The following MAP4K3 variants were observed in gnomAD, a reference collection of about 807,000 sequenced individuals.
MAP4K3 encodes MAPK/ERK kinase kinase kinase 3.
Under a neutral mutation model 143.5 loss-of-function variants are expected in MAP4K3, and 94 were observed. The ratio of observed to expected loss-of-function variants is 0.65; its 90% CI spans 0.55 to 0.78. The LOEUF (loss-of-function observed/expected upper bound fraction) is 0.78. Among genes scored for constraint, MAP4K3 ranks in the 30% least tolerant of loss-of-function variants. MAP4K3 has a pLI of 0.00. For synonymous variants in MAP4K3, 416 were observed against 347.2 expected (o/e 1.20, Z -2.20); for missense variants, 1,077 against 1,068.1 (o/e 1.01, Z -0.12).
chr2:39,316,739 C>T (rs1432717310), intron 12 of MAP4K3, among the ~76,000 whole-genome samples: 2 of 152,048 alleles, frequency 1.3e-5, no homozygotes, highest in African/African-American at 4.8e-5. Context: ...CTTAACATCT[C>T]TAAAACGGTA....
chr2:39,251,749 C>A (rs943366622), intron 33 of MAP4K3, 81 bp downstream of exon 33: 42 of 1,154,076 alleles, frequency 3.6e-5, no homozygotes, highest in African/African-American at 1.5e-5. Context: ...CATTTCAATT[C>A]TCTTGAAAAA....
intron 14 of MAP4K3, among the ~76,000 whole-genome samples, chr2:39,308,742 G>C (rs1009274721): frequency 3.3e-5 from 5 of 151,930 alleles, no homozygotes; most frequent in African/African-American, 1.2e-4. Context: ...TATCTGGAAA[G>C]GAGTATATAA....
intron 7 of MAP4K3, among the ~76,000 whole-genome samples, chr2:39,332,720 C>G (rs1001424507): frequency 6.6e-6 from 1 of 151,912 alleles, no homozygotes; most frequent in African/African-American, 2.4e-5. Flanking sequence ...CTAAAAAGAA[C>G]AGGACATATC....
At chr2:39,291,800 CAGG>C (rs1682057260) in intron 18 of MAP4K3, among the ~76,000 whole-genome samples, 1 of 152,088 alleles carries the variant, frequency 6.6e-6, no homozygotes, top group African/African-American at 2.4e-5. Context: ...CTGCTTGAGC[CAGG>C]AGGTCGAGGC....
intron 1 of MAP4K3, among the ~76,000 whole-genome samples, chr2:39,411,724 A>C (rs956031761): frequency 2.0e-5 from 3 of 152,202 alleles, no homozygotes; most frequent in African/African-American, 7.2e-5. Context: ...TCAGAATTGA[A>C]CAAAATAACT....
At chr2:39,407,801 C>T (rs1667135588) in intron 1 of MAP4K3, among the ~76,000 whole-genome samples, 1 of 152,128 alleles carries the variant, frequency 6.6e-6, no homozygotes, top group Admixed American at 6.6e-5. Flanking sequence ...GTCTCAAATT[C>T]CTGGGCTCAC....
At chr2:39,335,648 C>T (rs545124164) in intron 6 of MAP4K3, among the ~76,000 whole-genome samples, 98 of 152,282 alleles carry the variant, frequency 6.4e-4, no homozygotes, top group African/African-American at 2.3e-3. Context: ...AAAAATCTGT[C>T]AATCCTCCCA....
intron 3 of MAP4K3, among the ~76,000 whole-genome samples, chr2:39,346,835 G>A (rs1331114340): frequency 6.6e-6 from 1 of 151,972 alleles, no homozygotes; most frequent in Non-Finnish European, 1.5e-5. Flanking sequence ...GCACTTCTCT[G>A]CCTCTGCCTG....
At chr2:39,310,426 A>C (rs1415449526) in intron 13 of MAP4K3, among the ~76,000 whole-genome samples, 2 of 151,952 alleles carry the variant, frequency 1.3e-5, no homozygotes, top group Non-Finnish European at 2.9e-5. Flanking sequence ...ACAGGATTTC[A>C]TTTTTTTTAT....
At position 39,250,293 on chromosome 2, in the gene MAP4K3, GAC is replaced by G. The variant is rs1313398540; in HGVS notation, c.*323_*324del. ...TCAACATTTACATCTGTACAGATAA[GAC>G]ACTTACTTGTACATCTCATAAAAGT... is the stretch of plus-strand genomic sequence containing the variant. On this transcript the variant is annotated 3_prime_UTR_variant, in exon 34 of 34. Transcript: ENST00000263881. 4.5e-6 allele frequency: 1 copy of G among 220,142 alleles called. No homozygotes were observed. Among genetic ancestry groups the G allele is most frequent in the African/African-American group, 2.3e-5 (1 of 43,832 alleles). 13.6% of individuals were successfully genotyped at this position (220,142 alleles called of 1,614,324 possible). A position where few individuals can be genotyped will look rare whatever the true frequency, so the allele number is the denominator to read the frequency against.
chr2:39,423,330 G>A (rs967379682), intron 1 of MAP4K3, among the ~76,000 whole-genome samples: 1 of 152,172 alleles, frequency 6.6e-6, no homozygotes, highest in South Asian at 2.1e-4. Flanking sequence ...AATGCAAAGT[G>A]CTACAGTCAC....
chr2:39,350,290 G>A (rs1291811377), intron 3 of MAP4K3, among the ~76,000 whole-genome samples: 1 of 152,176 alleles, frequency 6.6e-6, no homozygotes, highest in Non-Finnish European at 1.5e-5. Flanking sequence ...ATCCAAATAA[G>A]TATACTGAGT....
intron 2 of MAP4K3, among the ~76,000 whole-genome samples, chr2:39,360,222 ACT>A (rs933861392): frequency 1.3e-5 from 2 of 152,090 alleles, no homozygotes; most frequent in African/African-American, 2.4e-5. Flanking sequence ...AAATGCCGCC[ACT>A]CTCTTTGCTA....
chr2:39,357,139 A>C (rs185559744), intron 2 of MAP4K3, among the ~76,000 whole-genome samples: 1 of 152,354 alleles, frequency 6.6e-6, no homozygotes, highest in African/African-American at 2.4e-5. Flanking sequence ...ATTCTCTAAA[A>C]TAAGATCTGG....
chr2:39,268,262 G>A (rs1410034643), intron 26 of MAP4K3, among the ~76,000 whole-genome samples: 1 of 152,032 alleles, frequency 6.6e-6, no homozygotes, highest in Non-Finnish European at 1.5e-5. Context: ...AAGGTTGTTG[G>A]TGCATCAAAT....
chr2:39,315,051 C>T (rs898573763), intron 13 of MAP4K3, among the ~76,000 whole-genome samples: 4 of 152,128 alleles, frequency 2.6e-5, no homozygotes, highest in Non-Finnish European at 5.9e-5. Flanking sequence ...TACGGCACTG[C>T]CTTAATTACT....
At chr2:39,353,445 A>T (rs1010417791) in intron 3 of MAP4K3, among the ~76,000 whole-genome samples, 25 of 152,234 alleles carry the variant, frequency 1.6e-4, no homozygotes, top group African/African-American at 6.0e-4. Context: ...AATATATTTA[A>T]ATCAGTGTTT....
chr2:39,404,623 T>C (rs1470480986), intron 1 of MAP4K3, among the ~76,000 whole-genome samples: 40 of 147,032 alleles, frequency 2.7e-4, no homozygotes, highest in Admixed American at 7.4e-4. Context: ...CTTTCTTTTT[T>C]TTTTTTTTTT....
At chr2:39,334,537 G>A (rs1397502796) in intron 6 of MAP4K3, among the ~76,000 whole-genome samples, 1 of 152,156 alleles carries the variant, frequency 6.6e-6, no homozygotes, top group Non-Finnish European at 1.5e-5. Flanking sequence ...GAATAGTAGG[G>A]GAAGGAGAAA....
Sources: allele counts gnomAD v4.1 joint callset (sites outside exome capture counted in the v4.1 genomes callset), GRCh38; gene constraint gnomAD v4.1.1; transcripts MANE v1.5; gene names NCBI Gene and HGNC (gene_info 2026-07-23, HGNC 2026-07-21).